NAV3: variants seen among roughly 807,000 people sequenced by gnomAD.
NAV3 encodes neuron navigator 3.
In NAV3, 87 loss-of-function variants were observed where a neutral mutation model predicts 244.7. The ratio of observed to expected loss-of-function variants is 0.36; its 90% CI spans 0.30 to 0.42. The LOEUF (loss-of-function observed/expected upper bound fraction) is 0.42. Ranked by LOEUF, NAV3 falls within the 20% of genes least tolerant of loss-of-function variation. The probability of loss-of-function intolerance (pLI) is 1.00; values close to 1 mark genes in which losing one functional copy is unlikely to be tolerated. For missense variants in NAV3, 2,663 were observed against 2,893.3 expected (o/e 0.92, Z 1.83); for synonymous variants, 1,126 against 1,042.2 (o/e 1.08, Z -1.55).
chr12:77,891,676 A>G (rs1283723738), intron 1 of NAV3, among the ~76,000 whole-genome samples: 2 of 152,220 alleles, frequency 1.3e-5, no homozygotes, highest in East Asian at 1.9e-4. Flanking sequence ...CTTAACAAAC[A>G]CTGTTTAGTG....
intron 1 of NAV3, among the ~76,000 whole-genome samples, chr12:77,903,012 G>C (rs1319668249): frequency 6.6e-6 from 1 of 152,162 alleles, no homozygotes; most frequent in Non-Finnish European, 1.5e-5. Context: ...ACAAATGGAA[G>C]CACATTCCAT....
intron 24 of NAV3, among the ~76,000 whole-genome samples, chr12:78,171,573 G>T (rs928996804): frequency 4.6e-5 from 7 of 151,384 alleles, no homozygotes; most frequent in African/African-American, 1.7e-4. Context: ...ATATATATAG[G>T]ATAGTTAGAT....
intron 2 of NAV3, among the ~76,000 whole-genome samples, chr12:77,736,419 T>C (rs1877336502): frequency 6.6e-6 from 1 of 152,204 alleles, no homozygotes; most frequent in Non-Finnish European, 1.5e-5. Context: ...ATGGTTCTTA[T>C]GTCGGTCTTG....
chr12:77,807,001 CT>C (rs1020323951), intron 2 of NAV3, among the ~76,000 whole-genome samples: 1 of 151,830 alleles, frequency 6.6e-6, no homozygotes, highest in Non-Finnish European at 1.5e-5. Flanking sequence ...GCAACCCCTG[CT>C]TTTTTTTGGC....
chr12:78,114,785 C>T (rs560084035), intron 12 of NAV3, among the ~76,000 whole-genome samples: 7 of 152,230 alleles, frequency 4.6e-5, no homozygotes, highest in Admixed American at 3.9e-4. Flanking sequence ...TGAGCAACCA[C>T]AAATGACAGA....
chr12:77,580,452 A>G (rs1363889753), intron 2 of NAV3, among the ~76,000 whole-genome samples: 1 of 152,188 alleles, frequency 6.6e-6, no homozygotes, highest in Admixed American at 6.5e-5. Flanking sequence ...ATGATATTTC[A>G]TCCTAATATA....
At chr12:77,679,925 A>G (rs963700643) in intron 2 of NAV3, among the ~76,000 whole-genome samples, 2 of 152,164 alleles carry the variant, frequency 1.3e-5, no homozygotes, top group Non-Finnish European at 2.9e-5. Flanking sequence ...AGGCCAGCTT[A>G]CCATCGAACC....
intron 2 of NAV3, among the ~76,000 whole-genome samples, chr12:77,806,652 G>A (rs796862226): frequency 1.1e-4 from 16 of 152,264 alleles, no homozygotes; most frequent in African/African-American, 3.8e-4. Context: ...GTTGATTTGG[G>A]GTGGAGAGTT....
intron 2 of NAV3, among the ~76,000 whole-genome samples, chr12:77,641,430 TTTAG>T (rs1392072765): frequency 5.3e-5 from 8 of 152,140 alleles, no homozygotes; most frequent in Non-Finnish European, 1.2e-4. Flanking sequence ...ATACTGTGAT[TTTAG>T]TTTTCTCAGA....
chr12:78,090,136 T>G (rs1953846071), intron 12 of NAV3, among the ~76,000 whole-genome samples: 2 of 151,528 alleles, frequency 1.3e-5, no homozygotes, highest in African/African-American at 4.8e-5. Flanking sequence ...TGTGTATGGC[T>G]TCCTCCCCCT....
At chr12:78,088,951 A>G (rs1386446480) in intron 12 of NAV3, 1 of 152,130 alleles carries the variant, frequency 6.6e-6, no homozygotes, top group Non-Finnish European at 1.5e-5. Context: ...TTAGCTTTGG[A>G]CCTTTCACTA....
chr12:78,154,732 C>G (rs1957232679), intron 22 of NAV3, among the ~76,000 whole-genome samples: 1 of 151,758 alleles, frequency 6.6e-6, no homozygotes, highest in Non-Finnish European at 1.5e-5. Flanking sequence ...AAAATCAGAA[C>G]CAAATAAACT....
chr12:77,861,120 T>C (rs1879196542), intron 1 of NAV3, among the ~76,000 whole-genome samples: 1 of 151,910 alleles, frequency 6.6e-6, no homozygotes, highest in Non-Finnish European at 1.5e-5. Context: ...GTCTCCTATG[T>C]AGTAGAGAAA....
Position 78,119,349 on chromosome 12 carries a change from G to A in NAV3, c.3153G>A (p.Lys1051=), listed in dbSNP as rs772095958. Residue 1051 remains lysine, a synonymous_variant, in exon 15 of 40, where the codon AAG becomes AAA. Transcript: ENST00000397909. ...AAAGCAGTGGAGATGAAGGGAAAAAGCCCCCCTCAGGCATTGGAAGATCGA... is the reference window on the plus strand; with the variant it reads ...AAAGCAGTGGAGATGAAGGGAAAAAACCCCCCTCAGGCATTGGAAGATCGA... ...AGKSSGDEGK[K]PPSGIGRSTA... 6.8e-6 allele frequency: 11 copies of A among 1,613,974 alleles called. No individual in the cohort carries two copies. The Admixed American group carries it at 1.3e-4, about 20-fold the overall frequency.
At chr12:78,155,912 T>C (rs1006975986) in intron 22 of NAV3, among the ~76,000 whole-genome samples, 4 of 152,208 alleles carry the variant, frequency 2.6e-5, no homozygotes, top group Non-Finnish European at 5.9e-5. Context: ...CTTTGTCAAA[T>C]GGATAGATTC....
At position 78,007,075 on chromosome 12, in the gene NAV3, A is replaced by G. The variant is rs1239859554; in HGVS notation, c.1537A>G (p.Thr513Ala). ...ASLIPKGSKT[T>A]AAKKESLIPS... ...CTTGATCCCTAAGGGCAGCAAGACA[A>G]CAGCAGCTAAGAAGGAAAGCTTAAT... Residue 513 changes from threonine (T) to alanine (A), a missense_variant, in exon 8 of 40, where the codon ACA becomes GCA. By Grantham distance (58) the Thr-to-Ala change is moderately conservative. Transcript: ENST00000397909. The G allele has an allele frequency of 1.2e-6, 2 of 1,614,220 alleles. No individual in the cohort carries two copies. Among genetic ancestry groups the G allele is most frequent in the South Asian group, 1.1e-5 (1 of 91,086 alleles).
intron 2 of NAV3, among the ~76,000 whole-genome samples, chr12:77,731,812 T>C (rs1446822429): frequency 6.6e-6 from 1 of 151,950 alleles, no homozygotes; most frequent in African/African-American, 2.4e-5. Flanking sequence ...TAAAATTATA[T>C]TTTAATTAAA....
intron 1 of NAV3, among the ~76,000 whole-genome samples, chr12:77,935,544 A>G (rs1330597599): frequency 6.6e-6 from 1 of 152,222 alleles, no homozygotes; most frequent in African/African-American, 2.4e-5. Flanking sequence ...ATGGAAATGT[A>G]TTTCATATTA....
intron 11 of NAV3, among the ~76,000 whole-genome samples, chr12:78,056,664 G>T (rs934061312): frequency 1.3e-5 from 2 of 150,824 alleles, no homozygotes; most frequent in African/African-American, 4.9e-5. Flanking sequence ...AGGAAGCAGA[G>T]GTTGCAGTGA....
Sources: allele counts gnomAD v4.1 joint callset (sites outside exome capture counted in the v4.1 genomes callset), GRCh38; gene constraint gnomAD v4.1.1; transcripts MANE v1.5; gene names NCBI Gene and HGNC (gene_info 2026-07-23, HGNC 2026-07-21).